The following PODXL variants were observed in gnomAD, a reference collection of about 807,000 sequenced individuals.
PODXL encodes podocalyxin.
A neutral mutation model predicts 48.9 loss-of-function variants in PODXL; 20 were observed. The ratio of observed to expected loss-of-function variants is 0.41; its 90% CI spans 0.29 to 0.59. The LOEUF (loss-of-function observed/expected upper bound fraction) is 0.59. Among genes scored for constraint, PODXL ranks in the 20% least tolerant of loss-of-function variants. The pLI is 0.31. For synonymous variants in PODXL, 295 were observed against 287.4 expected, an observed-to-expected ratio of 1.03 and a Z score of -0.27; for missense variants, 606 against 675.1, an observed-to-expected ratio of 0.90 and a Z score of 1.13.
At chr7:131,538,016 G>C (rs1562915250) in intron 1 of PODXL, among the ~76,000 whole-genome samples, 1 of 152,158 alleles carries the variant, frequency 6.6e-6, no homozygotes, top group Admixed American at 6.5e-5. Flanking sequence ...TGTGAATAGG[G>C]CTTCCGTGAC....
chr7:131,545,807 ATT>A (rs1035356847), intron 1 of PODXL, among the ~76,000 whole-genome samples: 1 of 152,260 alleles, frequency 6.6e-6, no homozygotes, highest in Admixed American at 6.5e-5. Context: ...TTAAATATTC[ATT>A]GAGAGCATAA....
intron 1 of PODXL, among the ~76,000 whole-genome samples, chr7:131,527,423 A>T (rs1798205682): frequency 6.6e-6 from 1 of 152,276 alleles, no homozygotes; most frequent in Admixed American, 6.5e-5. Flanking sequence ...CAGAGGATTT[A>T]ACAGTAAGTT....
intron 1 of PODXL, among the ~76,000 whole-genome samples, chr7:131,533,278 T>C (rs1005642112): frequency 3.9e-5 from 6 of 152,138 alleles, no homozygotes; most frequent in East Asian, 1.9e-4. Flanking sequence ...GCTGTGAGAC[T>C]TGGGGCCTCT....
Position 131,503,184 on chromosome 7 carries a change from A to C in PODXL, c.*1127T>G, listed in dbSNP as rs1162666473. ...TGTCCCTGAGTTTCCTATGATATAC[A>C]GGGGAAAGCCTGTCCTTCCTGGCTG... On this transcript the variant is annotated 3_prime_UTR_variant, in exon 9 of 9. Coordinates refer to ENST00000378555, the MANE Select transcript of PODXL (RefSeq NM_001018111.3). 1 of 152,662 alleles carries C rather than the reference A, an allele frequency of 6.6e-6. No individual in the cohort carries two copies. The highest frequency in any genetic ancestry group is 2.4e-5 in the African/African-American group (1 of 41,452). The allele number at this position is 152,662 out of a possible 1,614,324, so 9.5% of individuals were successfully genotyped here.
At chr7:131,530,710 A>G (rs981990637) in intron 1 of PODXL, among the ~76,000 whole-genome samples, 1 of 150,246 alleles carries the variant, frequency 6.7e-6, no homozygotes, top group African/African-American at 2.5e-5. Context: ...GTGAGCTATG[A>G]TCACACCACT....
At chr7:131,531,525 T>C (rs1798280211) in intron 1 of PODXL, among the ~76,000 whole-genome samples, 1 of 152,152 alleles carries the variant, frequency 6.6e-6, no homozygotes, top group African/African-American at 2.4e-5. Context: ...TAGATCAGTT[T>C]ACCTACGACC....
chr7:131,556,542 C>G lies in PODXL; in HGVS notation c.-183G>C, dbSNP rs994596686. The stretch of plus-strand genomic sequence containing the variant: ...CTTCCTCCCTGCCGCTGCAGCAGAG[C>G]CGGGCTGGGGCGCAGAGCCAGTGGC... On this transcript the variant is annotated 5_prime_UTR_variant, in exon 1 of 9. Transcript: ENST00000378555. 6 of 681,440 alleles carry G rather than the reference C, an allele frequency of 8.8e-6. No individual in the cohort carries two copies. In the African/African-American group the frequency reaches 1.1e-4, roughly 13 times the overall value. The allele number at this position is 681,440 out of a possible 1,614,324, so 42.2% of individuals were successfully genotyped here.
rs960481645 is a variant in PODXL, at chr7:131,503,647, G to C, written c.*664C>G. On this transcript the variant is annotated 3_prime_UTR_variant, in exon 9 of 9. Coordinates refer to ENST00000378555, the MANE Select transcript of PODXL (RefSeq NM_001018111.3). Reference sequence around the variant, plus strand: ...AGGGGTTCAAGGTTATGAATAACCTGTGCTAATCCCAGAGGCCCCAGGACA... The same window carrying C: ...AGGGGTTCAAGGTTATGAATAACCTCTGCTAATCCCAGAGGCCCCAGGACA... 3 of 152,770 alleles carry C rather than the reference G, an allele frequency of 2.0e-5. No homozygotes were observed. The highest frequency in any genetic ancestry group is 2.9e-5 in the Non-Finnish European group (2 of 68,532). The allele number at this position is 152,770 out of a possible 1,614,324, so 9.5% of individuals were successfully genotyped here. A position where few individuals can be genotyped will look rare whatever the true frequency, so the allele number is the denominator to read the frequency against.
At chr7:131,505,060 AT>A (rs1231454618) in intron 8 of PODXL, among the ~76,000 whole-genome samples, 2 of 152,066 alleles carry the variant, frequency 1.3e-5, no homozygotes, top group Non-Finnish European at 2.9e-5. Flanking sequence ...GGACTCAGAG[AT>A]TGTTTGAATT....
intron 1 of PODXL, among the ~76,000 whole-genome samples, chr7:131,514,605 TTTTTGTTTTG>T (rs1797963489): frequency 6.6e-6 from 1 of 151,828 alleles, no homozygotes; most frequent in Non-Finnish European, 1.5e-5. Flanking sequence ...GGATGATTGT[TTTTTGTTTTG>T]TTTTGTTTGT....
At chr7:131,519,366 G>A (rs542680197) in intron 1 of PODXL, among the ~76,000 whole-genome samples, 73 of 152,128 alleles carry the variant, frequency 4.8e-4, no homozygotes, top group Admixed American at 1.4e-3. Context: ...GGTGTGAGCC[G>A]CGCTCCAATT....
intron 1 of PODXL, among the ~76,000 whole-genome samples, chr7:131,531,209 C>CT (rs772121544): frequency 6.6e-6 from 1 of 152,194 alleles, no homozygotes; most frequent in Non-Finnish European, 1.5e-5. Context: ...TCCTTGGAGG[C>CT]TGTTGGCTCT....
chr7:131,508,723 G>C (rs1239550024), intron 5 of PODXL, among the ~76,000 whole-genome samples: 2 of 148,042 alleles, frequency 1.4e-5, no homozygotes, highest in Non-Finnish European at 3.0e-5. Flanking sequence ...GGGAGGGGGG[G>C]GTCCAGTCCT....
intron 1 of PODXL, among the ~76,000 whole-genome samples, chr7:131,544,645 ACGCCC>A (rs536623328): frequency 0.16 from 3,953 of 24,684 alleles, 145 homozygotes; most frequent in African/African-American, 0.17. Flanking sequence ...CTCCGCACGC[ACGCCC>A]TGTACTACGC....
At position 131,538,267 on chromosome 7, in the gene PODXL, C is replaced by A. The variant is rs187174243; in HGVS notation, c.100+17993G>T. On this transcript the variant is annotated intron_variant, in intron 1 of 8. Transcript: ENST00000378555. Reference sequence around the variant, plus strand: ...CTCCGTTGTGTGTCCCAGACCCATTCTCTGACCGAGCTTCCCATCCCCAAG... The same window carrying A: ...CTCCGTTGTGTGTCCCAGACCCATTATCTGACCGAGCTTCCCATCCCCAAG... Among the ~76,000 whole-genome samples the A allele has an allele frequency of 7.0e-3, 1,066 of 152,304 alleles. 9 individuals carry two copies. Among genetic ancestry groups the A allele is most frequent in the Non-Finnish European group, 0.01 (692 of 68,036 alleles).
intron 4 of PODXL, 117 bp from the exon 5 acceptor site, chr7:131,509,145 C>T (rs1458859584): frequency 1.0e-6 from 1 of 991,190 alleles, no homozygotes; most frequent in Non-Finnish European, 1.6e-6. Context: ...GGAGGCATGG[C>T]TGGACCCATT....
At chr7:131,507,729 G>A (rs897950942) in intron 5 of PODXL, among the ~76,000 whole-genome samples, 3 of 151,816 alleles carry the variant, frequency 2.0e-5, no homozygotes, top group Non-Finnish European at 4.4e-5. Context: ...TCCAAAAAGA[G>A]GGTCTGAGGA....
At chr7:131,536,940 C>T (rs1167330250) in intron 1 of PODXL, among the ~76,000 whole-genome samples, 6 of 152,116 alleles carry the variant, frequency 3.9e-5, no homozygotes, top group Admixed American at 3.9e-4. Context: ...GCCTGGCCAA[C>T]ATGGTGAAAC....
At chr7:131,511,565 T>C in intron 1 of PODXL, 132 bp from the exon 2 acceptor site, 1 of 844,462 alleles carries the variant, frequency 1.2e-6, no homozygotes, top group Non-Finnish European at 1.8e-6. Flanking sequence ...CCTGGGTCTT[T>C]GGTGAATCCA....
Sources: allele counts gnomAD v4.1 joint callset (sites outside exome capture counted in the v4.1 genomes callset), GRCh38; gene constraint gnomAD v4.1.1; transcripts MANE v1.5; gene names NCBI Gene and HGNC (gene_info 2026-07-23, HGNC 2026-07-21).